Variants in FHIT observed in about 807,000 individuals in gnomAD.
The protein encoded by FHIT is bis(5'-adenosyl)-triphosphatase.
In FHIT, 19 loss-of-function variants were observed where a neutral mutation model predicts 17.9. The observed-to-expected ratio is 1.06, with a 90% confidence interval of 0.74 to 1.56. The LOEUF is 1.56. Ranked by LOEUF, FHIT falls within the 40% of genes most tolerant of loss-of-function variation. The pLI, the probability that FHIT is intolerant of heterozygous loss-of-function variation, is 0.00. For synonymous variants in FHIT, 81 were observed against 69.7 expected, an observed-to-expected ratio of 1.16 and a Z score of -0.81; for missense variants, 248 against 189.2, an observed-to-expected ratio of 1.31 and a Z score of -1.82.
intron 5 of FHIT, among the ~76,000 whole-genome samples, chr3:60,072,033 T>C (rs948491303): frequency 2.0e-5 from 3 of 152,064 alleles, no homozygotes; most frequent in Non-Finnish European, 4.4e-5. Flanking sequence ...TTACCAAGTC[T>C]CAGGTTTGTC....
At chr3:60,011,838 G>T (rs550459909) in intron 6 of FHIT, among the ~76,000 whole-genome samples, 91 of 152,280 alleles carry the variant, frequency 6.0e-4, no homozygotes, top group African/African-American at 2.1e-3. Context: ...TTTCATATGG[G>T]AAGAGTCCTC....
chr3:60,041,630 T>C (rs1189044051), intron 5 of FHIT, among the ~76,000 whole-genome samples: 1 of 152,184 alleles, frequency 6.6e-6, no homozygotes, highest in African/African-American at 2.4e-5. Flanking sequence ...AACCCAGAGA[T>C]GATCTGAATA....
chr3:60,345,008 G>T (rs905983659), intron 5 of FHIT, among the ~76,000 whole-genome samples: 28 of 152,160 alleles, frequency 1.8e-4, no homozygotes, highest in African/African-American at 6.3e-4. Context: ...ATTTCCCTTT[G>T]TATAAACACT....
chr3:59,947,970 A>G (rs1457752367), intron 7 of FHIT, among the ~76,000 whole-genome samples: 1 of 152,088 alleles, frequency 6.6e-6, no homozygotes, highest in Non-Finnish European at 1.5e-5. Context: ...TGTTTTGTGT[A>G]TTAATAGTTT....
intron 4 of FHIT, among the ~76,000 whole-genome samples, chr3:60,557,324 G>A (rs555270303): frequency 6.6e-6 from 1 of 152,022 alleles, no homozygotes; most frequent in African/African-American, 2.4e-5. Context: ...ATTGCATTAT[G>A]TGCTGTACTT....
At chr3:59,809,838 T>G (rs536889386) in intron 8 of FHIT, among the ~76,000 whole-genome samples, 2 of 152,280 alleles carry the variant, frequency 1.3e-5, no homozygotes, top group South Asian at 4.2e-4. Context: ...ACATTGTTCC[T>G]CCTTTGTTCC....
chr3:60,017,869 A>G (rs1700403926), intron 5 of FHIT, among the ~76,000 whole-genome samples: 2 of 152,100 alleles, frequency 1.3e-5, no homozygotes, highest in South Asian at 4.1e-4. Context: ...GTGGTTTGCT[A>G]TTTGCAAATG....
intron 8 of FHIT, among the ~76,000 whole-genome samples, chr3:59,810,603 C>T (rs1254744616): frequency 2.0e-5 from 3 of 152,146 alleles, no homozygotes; most frequent in Non-Finnish European, 4.4e-5. Flanking sequence ...CATTAAAATG[C>T]CTTTATGTTC....
chr3:60,239,174 A>AT (rs1325100005), intron 5 of FHIT, among the ~76,000 whole-genome samples: 2 of 152,148 alleles, frequency 1.3e-5, no homozygotes, highest in African/African-American at 4.8e-5. Flanking sequence ...ATATATTTAC[A>AT]TTTTGAAATG....
rs1553740267 is a variant in FHIT at position 60,824,290 on chromosome 3, A to G, written c.-110-2279T>C. Among the ~76,000 whole-genome samples the G allele has an allele frequency of 2.6e-5, 4 of 152,348 alleles. 1 individual carries two copies. The highest frequency in any genetic ancestry group is 9.6e-5 in the African/African-American group (4 of 41,594). ...TGCGAAATATTTTGAAAGCAGATCC[A>G]AAAGGATTTGCAATAGATTGCAGGT... On this transcript the variant is annotated intron_variant, in intron 3 of 9. Transcript: ENST00000492590.
At chr3:60,045,118 G>A (rs367572929) in intron 5 of FHIT, among the ~76,000 whole-genome samples, 29 of 152,268 alleles carry the variant, frequency 1.9e-4, no homozygotes, top group African/African-American at 7.0e-4. Context: ...CGTAAGATGA[G>A]TGAGTTCTGA....
intron 4 of FHIT, chr3:60,690,710 G>T: frequency 4.5e-6 from 2 of 441,466 alleles, no homozygotes; most frequent in South Asian, 3.6e-5. Context: ...AAAACAGTGG[G>T]GTTGACCATA....
intron 4 of FHIT, among the ~76,000 whole-genome samples, chr3:60,762,007 T>C (rs1438849974): frequency 6.6e-6 from 1 of 152,206 alleles, no homozygotes; most frequent in Non-Finnish European, 1.5e-5. Flanking sequence ...ACATTGATCC[T>C]GGGTTCAATT....
intron 7 of FHIT, among the ~76,000 whole-genome samples, chr3:59,983,537 T>C (rs1708748600): frequency 6.6e-6 from 1 of 152,176 alleles, no homozygotes; most frequent in African/African-American, 2.4e-5. Flanking sequence ...AAATTAAACT[T>C]CATCGTAACT....
chr3:60,892,507 T>A (rs6801370), intron 3 of FHIT, among the ~76,000 whole-genome samples: 3,332 of 152,290 alleles, frequency 0.022, 122 homozygotes, highest in African/African-American at 0.076. Context: ...TATTAGAGTG[T>A]AATGTATATT....
intron 3 of FHIT, among the ~76,000 whole-genome samples, chr3:60,995,778 T>C (rs1170998801): frequency 6.6e-6 from 1 of 152,222 alleles, no homozygotes; most frequent in African/African-American, 2.4e-5. Flanking sequence ...TGTGTAAATG[T>C]ATACAATCTG....
At chr3:60,123,991 TATATATATATATATATATAGAGAGAGAG>T (rs1559653449) in intron 5 of FHIT, among the ~76,000 whole-genome samples, 460 of 48,602 alleles carry the variant, frequency 9.5e-3, no homozygotes, top group South Asian at 0.033. Flanking sequence ...TATATATATA[TATATATATATATATATATAGAGAGAGAG>T]AGAGAGAGAG....
At chr3:60,297,045 A>C (rs960046940) in intron 5 of FHIT, among the ~76,000 whole-genome samples, 1 of 152,038 alleles carries the variant, frequency 6.6e-6, no homozygotes, top group Admixed American at 6.6e-5. Flanking sequence ...TAAATATTAC[A>C]AGTATGTAAG....
intron 4 of FHIT, among the ~76,000 whole-genome samples, chr3:60,651,797 G>C (rs938181679): frequency 2.6e-5 from 4 of 152,088 alleles, no homozygotes; most frequent in Non-Finnish European, 1.5e-5. Context: ...AGAGCTACAT[G>C]GTATTTCTTT....
Sources: gnomAD v4.1 joint callset for allele counts (sites outside exome capture counted in the v4.1 genomes callset) on GRCh38, gnomAD v4.1.1 for gene constraint, MANE v1.5 for transcripts, NCBI Gene and HGNC (gene_info 2026-07-23, HGNC 2026-07-21) for gene names.